GRAP2: variants seen among roughly 807,000 people sequenced by gnomAD.
GRAP2 encodes the protein GRB2 related adaptor protein 2.
A neutral mutation model predicts 43.5 loss-of-function variants in GRAP2; 31 were observed. The ratio of observed to expected loss-of-function variants is 0.71; its 90% CI spans 0.54 to 0.96. The LOEUF is 0.96. Among genes scored for constraint, GRAP2 ranks in the 40% least tolerant of loss-of-function variants. The pLI is 0.00. For synonymous variants in GRAP2, 156 were observed against 164.8 expected, an observed-to-expected ratio of 0.95 and a Z score of 0.41; for missense variants, 371 against 424.4, an observed-to-expected ratio of 0.87 and a Z score of 1.11.
At chr22:39,923,241 C>T (rs899289581) in intron 1 of GRAP2, among the ~76,000 whole-genome samples, 2 of 152,130 alleles carry the variant, frequency 1.3e-5, no homozygotes, top group Non-Finnish European at 2.9e-5. Flanking sequence ...AAATCCATCT[C>T]TCAGAAATGC....
At chr22:39,928,553 G>T (rs956689727) in intron 1 of GRAP2, among the ~76,000 whole-genome samples, 2 of 152,230 alleles carry the variant, frequency 1.3e-5, no homozygotes, top group Admixed American at 6.5e-5. Context: ...TTATGGAGGA[G>T]CCTACTGTGT....
intron 5 of GRAP2, among the ~76,000 whole-genome samples, chr22:39,967,080 G>C (rs2067182605): frequency 6.6e-6 from 1 of 152,146 alleles, no homozygotes; most frequent in Non-Finnish European, 1.5e-5. Context: ...ATAGGAAGAA[G>C]CATTCACTAG....
At chr22:39,965,138 C>T (rs1322875521) in intron 4 of GRAP2, among the ~76,000 whole-genome samples, 1 of 152,192 alleles carries the variant, frequency 6.6e-6, no homozygotes, top group Non-Finnish European at 1.5e-5. Flanking sequence ...ACCTGTAATC[C>T]CAGCACTTTG....
chr22:39,895,697 C>T, the GRAP2 span, among the ~76,000 whole-genome samples: 1 of 152,202 alleles, frequency 6.6e-6, no homozygotes, highest in East Asian at 1.9e-4. Context: ...TTATTGAGCA[C>T]CTGCTATTTG....
chr22:39,964,734 A>AAAAC, intron 4 of GRAP2: 1 of 471,388 alleles, frequency 2.1e-6, no homozygotes. Context: ...AAAAAAAAAA[A>AAAAC]TCTTCCAGTG....
intron 1 of GRAP2, among the ~76,000 whole-genome samples, chr22:39,922,104 C>T (rs567970806): frequency 6.6e-6 from 1 of 152,324 alleles, no homozygotes; most frequent in South Asian, 2.1e-4. Context: ...TAAGTGACTG[C>T]TGTATGCCAG....
intron 1 of GRAP2, among the ~76,000 whole-genome samples, chr22:39,909,140 AT>A (rs1225988681): frequency 1.3e-5 from 2 of 152,204 alleles, no homozygotes; most frequent in African/African-American, 4.8e-5. Flanking sequence ...ATTTTGTGGA[AT>A]TTTTATTTTC....
chr22:39,963,486 A>G lies in GRAP2; in HGVS notation c.291-2504A>G, dbSNP rs533050639. Among the ~76,000 whole-genome samples, 6 of 152,306 alleles carry G rather than the reference A, an allele frequency of 3.9e-5. No individual in the cohort carries two copies. In the South Asian group the frequency reaches 1.0e-3, roughly 26 times the overall value. ...CCTCACCTGGATGTGAAGGATAATGACTTTGAGTTGATCCATGTTGTCTTA... is the reference window on the plus strand; with the variant it reads ...CCTCACCTGGATGTGAAGGATAATGGCTTTGAGTTGATCCATGTTGTCTTA... On this transcript the variant is annotated intron_variant, in intron 4 of 7. Transcript: ENST00000344138.
chr22:39,898,363 A>G (rs1270211217), upstream of GRAP2, among the ~76,000 whole-genome samples: 1 of 152,220 alleles, frequency 6.6e-6, no homozygotes, highest in Non-Finnish European at 1.5e-5. Context: ...TGTTTTGTTC[A>G]CTGATAGTTT....
At chr22:39,926,484 GAAAA>G (rs918651851) in intron 1 of GRAP2, 22 of 241,694 alleles carry the variant, frequency 9.1e-5, no homozygotes, top group Admixed American at 2.1e-4. Context: ...CCCAACAAAA[GAAAA>G]AAAAAAAAAA....
intron 1 of GRAP2, among the ~76,000 whole-genome samples, chr22:39,940,078 C>T (rs1030604299): frequency 2.0e-5 from 3 of 152,178 alleles, no homozygotes; most frequent in South Asian, 4.1e-4. Context: ...CACAGAGCCG[C>T]ATCTCCAGAG....
chr22:39,946,119 C>G (rs1394787442), intron 1 of GRAP2, among the ~76,000 whole-genome samples: 1 of 152,248 alleles, frequency 6.6e-6, no homozygotes, highest in Non-Finnish European at 1.5e-5. Flanking sequence ...CCTCGACCTC[C>G]CAAAGTGCTG....
At chr22:39,961,645 G>T (rs1371804177) in intron 4 of GRAP2, among the ~76,000 whole-genome samples, 1 of 152,214 alleles carries the variant, frequency 6.6e-6, no homozygotes, top group Non-Finnish European at 1.5e-5. Flanking sequence ...AACACACTGT[G>T]TGTGGTCAGC....
chr22:39,966,221 AC>A, intron 5 of GRAP2, 63 bp downstream of exon 5: 1 of 1,337,040 alleles, frequency 7.5e-7, no homozygotes, highest in African/African-American at 1.4e-5. Flanking sequence ...TCTCACATGA[AC>A]CACCAGGAAA....
intron 1 of GRAP2, among the ~76,000 whole-genome samples, chr22:39,910,945 C>T (rs1394636145): frequency 6.6e-6 from 1 of 152,178 alleles, no homozygotes; most frequent in Non-Finnish European, 1.5e-5. Flanking sequence ...TTCATTGTCT[C>T]TTTCCTATCC....
intron 2 of GRAP2, among the ~76,000 whole-genome samples, chr22:39,950,413 T>C (rs2145642829): frequency 6.6e-6 from 1 of 152,318 alleles, no homozygotes; most frequent in South Asian, 2.1e-4. Flanking sequence ...TAATTGCTCG[T>C]TTATGTGTTG....
chr22:39,924,486 A>G (rs991220885), intron 1 of GRAP2, among the ~76,000 whole-genome samples: 1 of 152,200 alleles, frequency 6.6e-6, no homozygotes, highest in Non-Finnish European at 1.5e-5. Flanking sequence ...GGATCAACTG[A>G]GGTCAGGAGT....
intron 1 of GRAP2, among the ~76,000 whole-genome samples, chr22:39,926,104 A>G (rs990795645): frequency 6.6e-6 from 1 of 152,246 alleles, no homozygotes; most frequent in African/African-American, 2.4e-5. Context: ...AACTGTGGGT[A>G]TGCATCATTG....
intron 6 of GRAP2, among the ~76,000 whole-genome samples, chr22:39,968,940 C>T (rs2067208330): frequency 6.6e-6 from 1 of 152,222 alleles, no homozygotes. Context: ...ATGCTGATCT[C>T]TCTGCCTGAT....
Sources: gnomAD v4.1 joint callset for allele counts (sites outside exome capture counted in the v4.1 genomes callset) on GRCh38, gnomAD v4.1.1 for gene constraint, MANE v1.5 for transcripts, NCBI Gene and HGNC (gene_info 2026-07-23, HGNC 2026-07-21) for gene names.